The following SLC9B1 variants were observed in gnomAD, a reference collection of about 807,000 sequenced individuals.
SLC9B1 encodes the protein sodium/hydrogen exchanger 9B1.
Under a neutral mutation model 51.7 loss-of-function variants are expected in SLC9B1, and 32 were observed. That is an observed-to-expected ratio of 0.62 (90% CI 0.47 to 0.83). The LOEUF (loss-of-function observed/expected upper bound fraction) is 0.83. Ranked by LOEUF, SLC9B1 falls within the 40% of genes least tolerant of loss-of-function variation. The pLI is 0.00. For synonymous variants in SLC9B1, 145 were observed against 212.7 expected (o/e 0.68, Z 2.77); for missense variants, 406 against 613.2 (o/e 0.66, Z 3.57).
intron 9 of SLC9B1, among the ~76,000 whole-genome samples, chr4:102,909,569 C>T (rs1230092419): frequency 6.6e-6 from 1 of 152,170 alleles, no homozygotes; most frequent in East Asian, 1.9e-4. Flanking sequence ...TGCTACTGCA[C>T]TCCAGCCTGG....
chr4:102,886,012 G>C (rs997124957), intron 11 of SLC9B1, among the ~76,000 whole-genome samples: 7 of 152,148 alleles, frequency 4.6e-5, no homozygotes, highest in African/African-American at 1.2e-4. Flanking sequence ...CTTGATCATA[G>C]ATTATTTGAG....
At chr4:102,926,920 G>C (rs1488292294) in intron 7 of SLC9B1, among the ~76,000 whole-genome samples, 1 of 152,120 alleles carries the variant, frequency 6.6e-6, no homozygotes, top group Non-Finnish European at 1.5e-5. Flanking sequence ...CAATGGAACA[G>C]AACAGAGGCC....
chr4:102,909,873 G>A (rs1735254610), intron 9 of SLC9B1, among the ~76,000 whole-genome samples: 2 of 151,766 alleles, frequency 1.3e-5, no homozygotes, highest in South Asian at 4.2e-4. Context: ...GCCCAGGCTG[G>A]AGTGCAATGG....
intron 3 of SLC9B1, among the ~76,000 whole-genome samples, chr4:102,959,730 G>A (rs1737998257): frequency 6.6e-6 from 1 of 152,124 alleles, no homozygotes; most frequent in Admixed American, 6.5e-5. Context: ...GGGCCCGCTT[G>A]GCTGGTGCCA....
intron 4 of SLC9B1, among the ~76,000 whole-genome samples, chr4:102,947,553 A>G (rs1737329721): frequency 6.6e-6 from 1 of 152,316 alleles, no homozygotes; most frequent in East Asian, 1.9e-4. Flanking sequence ...AAGGTCTGCT[A>G]TATTGCCCAG....
At chr4:102,935,600 G>C (rs79838573) in intron 6 of SLC9B1, among the ~76,000 whole-genome samples, 2 of 152,122 alleles carry the variant, frequency 1.3e-5, no homozygotes, top group Non-Finnish European at 2.9e-5. Flanking sequence ...AATAAACTAC[G>C]TGTGTATCCA....
intron 3 of SLC9B1, among the ~76,000 whole-genome samples, chr4:102,985,527 C>G (rs545411368): frequency 7.5e-6 from 1 of 133,060 alleles, no homozygotes; most frequent in African/African-American, 3.2e-5. Flanking sequence ...TAATACAAAT[C>G]CATTTTCTTT....
rs1560943739 is a variant in SLC9B1 at position 102,945,179 on chromosome 4, G to A, written c.653+14C>T. ...ATTGAATATTTTCATAAGAAAAAAT[G>A]AGAAAGAAATTACCCTAATAGAAAT... is the stretch of plus-strand genomic sequence containing the variant. On this transcript the variant is annotated intron_variant, in intron 6 of 11. Transcript: ENST00000296422. 1.9e-6 allele frequency: 3 copies of A among 1,556,904 alleles called. No individual in the cohort carries two copies. Among genetic ancestry groups the A allele is most frequent in the South Asian group, 2.5e-5 (2 of 81,238 alleles).
At chr4:102,898,146 A>T, downstream of SLC9B1, 4 of 512,118 alleles carry the variant, frequency 7.8e-6, no homozygotes, top group Non-Finnish European at 1.6e-5. Flanking sequence ...TCGCTGTACT[A>T]AGGTTGACAA....
chr4:103,003,843 G>A (rs1740652000), intron 1 of SLC9B1, among the ~76,000 whole-genome samples: 1 of 152,086 alleles, frequency 6.6e-6, no homozygotes, highest in Non-Finnish European at 1.5e-5. Flanking sequence ...GCTGAGCCTT[G>A]ACCCCTTAAA....
At chr4:102,996,823 G>A (rs928178355) in intron 1 of SLC9B1, among the ~76,000 whole-genome samples, 1 of 151,744 alleles carries the variant, frequency 6.6e-6, no homozygotes, top group Non-Finnish European at 1.5e-5. Context: ...GTCTTCCTCT[G>A]TCACCCAGGC....
In SLC9B1 at chr4:102,989,899, T is replaced by A; in HGVS notation, c.112A>T (p.Thr38Ser). The part of the protein sequence containing the change: ...PNNTAQEETK[T>S]VLSDTEEIKP... ...ATTTCTTCTGTATCTGATAAGACAG[T>A]TTTAGTTTCTTCCTGTGCAGTATTA... Residue 38 changes from threonine (T) to serine (S), a missense_variant, in exon 3 of 12, where the codon ACT (threonine) becomes TCT (serine). By Grantham distance (58) the Thr-to-Ser change is moderately conservative. Transcript: ENST00000296422. 6.3e-7 allele frequency: 1 copy of A among 1,597,560 alleles called. No individual in the cohort carries two copies. The highest frequency in any genetic ancestry group is 1.1e-5 in the South Asian group (1 of 89,562).
intron 7 of SLC9B1, among the ~76,000 whole-genome samples, chr4:102,915,670 A>G (rs1735543770): frequency 6.6e-6 from 1 of 152,256 alleles, no homozygotes; most frequent in Non-Finnish European, 1.5e-5. Flanking sequence ...GGTGTAAGAC[A>G]CCACACCCAG....
intron 7 of SLC9B1, among the ~76,000 whole-genome samples, chr4:102,912,639 G>A (rs1362274077): frequency 6.6e-6 from 1 of 152,154 alleles, no homozygotes; most frequent in Non-Finnish European, 1.5e-5. Flanking sequence ...CTAGCACTTT[G>A]GGAGGCCAAG....
downstream of SLC9B1, among the ~76,000 whole-genome samples, chr4:102,898,477 C>A (rs1350252451): frequency 1.3e-4 from 20 of 152,152 alleles, no homozygotes; most frequent in Non-Finnish European, 2.9e-4. Flanking sequence ...AAAAATGCTG[C>A]AATGCTTTTC....
intron 6 of SLC9B1, among the ~76,000 whole-genome samples, chr4:102,935,843 C>T (rs376834357): frequency 6.6e-6 from 1 of 152,310 alleles, no homozygotes; most frequent in East Asian, 1.9e-4. Flanking sequence ...GAGTGCACCC[C>T]ACAGCACCAT....
chr4:102,893,877 A>G (rs1734402239), intron 11 of SLC9B1, among the ~76,000 whole-genome samples: 1 of 152,234 alleles, frequency 6.6e-6, no homozygotes, highest in Admixed American at 6.5e-5. Flanking sequence ...CCTGGGTGAC[A>G]GAGCAAGTCT....
At chr4:102,962,705 A>C (rs1024359732) in intron 3 of SLC9B1, 8 of 470,358 alleles carry the variant, frequency 1.7e-5, no homozygotes, top group Middle Eastern at 3.4e-4. Context: ...ACAGCTGCTA[A>C]GGGAGAGGGA....
intron 3 of SLC9B1, among the ~76,000 whole-genome samples, chr4:102,979,407 C>T (rs568957975): frequency 1.3e-5 from 2 of 152,250 alleles, no homozygotes; most frequent in African/African-American, 4.8e-5. Flanking sequence ...GTCAGGACCC[C>T]TCTAAAAGGC....
Sources: gnomAD v4.1 joint callset for allele counts (sites outside exome capture counted in the v4.1 genomes callset) on GRCh38, gnomAD v4.1.1 for gene constraint, MANE v1.5 for transcripts, NCBI Gene and HGNC (gene_info 2026-07-23, HGNC 2026-07-21) for gene names.